ANKRD33B: variants seen among roughly 807,000 people sequenced by gnomAD.
The protein encoded by ANKRD33B is ankyrin repeat domain-containing protein 33B.
ANKRD33B carries 6 observed loss-of-function variants against 21.5 expected under a neutral mutation model. The observed-to-expected ratio is 0.28, with a 90% CI of 0.15 to 0.55. The LOEUF (loss-of-function observed/expected upper bound fraction) is 0.55. ANKRD33B is among the 20% of genes least tolerant of loss of function. The pLI, the probability that ANKRD33B is intolerant of heterozygous loss-of-function variation, is 0.94. For synonymous variants in ANKRD33B, 347 were observed against 342.4 expected (o/e 1.01, Z -0.15); for missense variants, 698 against 747.2 (o/e 0.93, Z 0.77).
intron 1 of ANKRD33B, among the ~76,000 whole-genome samples, chr5:10,593,324 A>C (rs1735738803): frequency 6.6e-6 from 1 of 152,108 alleles, no homozygotes; most frequent in African/African-American, 2.4e-5. Flanking sequence ...TTAGCTATTA[A>C]CTCTTTTAAG....
At chr5:10,617,802 C>T (rs961255842) in intron 1 of ANKRD33B, among the ~76,000 whole-genome samples, 4 of 152,196 alleles carry the variant, frequency 2.6e-5, no homozygotes, top group Non-Finnish European at 5.9e-5. Flanking sequence ...CCTGGATGCA[C>T]CAGGCACAGT....
At chr5:10,614,003 GT>G (rs1579735150) in intron 1 of ANKRD33B, among the ~76,000 whole-genome samples, 1 of 150,874 alleles carries the variant, frequency 6.6e-6, no homozygotes. Flanking sequence ...GTGTGTGTGT[GT>G]GTGTGTGTGT....
Position 10,608,405 on chromosome 5 carries a change from A to G in ANKRD33B, c.367-9928A>G, listed in dbSNP as rs75105332. 8.0e-3 allele frequency among the ~76,000 whole-genome samples: 1,210 copies of G among 151,766 alleles called. 18 individuals carry two copies. The highest frequency in any genetic ancestry group is 0.027 in the African/African-American group (1,134 of 41,378). ...GTGGTAGTTCTGAAGGGGAAGAGCAAGGAAGGTTTCTTCCCTGCAAAACAC... is the reference window on the plus strand; with the variant it reads ...GTGGTAGTTCTGAAGGGGAAGAGCAGGGAAGGTTTCTTCCCTGCAAAACAC... On this transcript the variant is annotated intron_variant, in intron 1 of 3. Transcript: ENST00000296657.
At chr5:10,633,610 G>C (rs1162161097) in intron 2 of ANKRD33B, among the ~76,000 whole-genome samples, 1 of 152,216 alleles carries the variant, frequency 6.6e-6, no homozygotes, top group East Asian at 1.9e-4. Flanking sequence ...GATTTCCTCA[G>C]CGTTTCCCGG....
At chr5:10,589,026 A>T (rs546911691) in intron 1 of ANKRD33B, among the ~76,000 whole-genome samples, 3 of 152,022 alleles carry the variant, frequency 2.0e-5, no homozygotes, top group African/African-American at 4.8e-5. Context: ...TCCTGTTTTC[A>T]TGTTCTGGGT....
At chr5:10,636,144 C>T (rs1736856821) in intron 2 of ANKRD33B, among the ~76,000 whole-genome samples, 1 of 150,484 alleles carries the variant, frequency 6.6e-6, no homozygotes, top group Non-Finnish European at 1.5e-5. Context: ...CAGGGCCCGG[C>T]TTCTCCATGA....
intron 2 of ANKRD33B, chr5:10,625,302 G>A (rs1375028516): frequency 6.3e-6 from 1 of 158,156 alleles, no homozygotes; most frequent in Non-Finnish European, 1.4e-5. Context: ...TATTATCAGG[G>A]AGGAAGAAAA....
At chr5:10,608,639 T>C (rs1378165819) in intron 1 of ANKRD33B, among the ~76,000 whole-genome samples, 6 of 148,638 alleles carry the variant, frequency 4.0e-5, no homozygotes, top group Non-Finnish European at 5.9e-5. Context: ...ATAAAAACCA[T>C]GGTGGATTCA....
At chr5:10,596,330 CCT>C (rs1735816451) in intron 1 of ANKRD33B, among the ~76,000 whole-genome samples, 1 of 152,184 alleles carries the variant, frequency 6.6e-6, no homozygotes, top group African/African-American at 2.4e-5. Context: ...CCTCACACCC[CCT>C]GATAAGCCCC....
chr5:10,608,126 A>G (rs1033654352), intron 1 of ANKRD33B, among the ~76,000 whole-genome samples: 1 of 151,016 alleles, frequency 6.6e-6, no homozygotes, highest in African/African-American at 2.4e-5. Context: ...AGGCGGGTGG[A>G]TCACTTGAGG....
At chr5:10,639,020 A>G (rs1346547869) in intron 3 of ANKRD33B, among the ~76,000 whole-genome samples, 14 of 76,902 alleles carry the variant, frequency 1.8e-4, no homozygotes, top group South Asian at 5.3e-4. Context: ...GGTGACGCGG[A>G]GTTGCGCGGC....
At chr5:10,607,397 AC>A (rs1204113433) in intron 1 of ANKRD33B, among the ~76,000 whole-genome samples, 2 of 152,340 alleles carry the variant, frequency 1.3e-5, no homozygotes, top group African/African-American at 2.4e-5. Flanking sequence ...CACATCGTCC[AC>A]CGTCTCTCGA....
chr5:10,568,770 A>C (rs1039545395), intron 1 of ANKRD33B, among the ~76,000 whole-genome samples: 1 of 152,152 alleles, frequency 6.6e-6, no homozygotes, highest in East Asian at 1.9e-4. Flanking sequence ...CCTGACCTCA[A>C]GTGATCCTCT....
At chr5:10,628,895 T>A (rs1736642018) in intron 2 of ANKRD33B, among the ~76,000 whole-genome samples, 1 of 151,542 alleles carries the variant, frequency 6.6e-6, no homozygotes, top group African/African-American at 2.4e-5. Context: ...GGTCACCAAG[T>A]AAAAAGAGGA....
intron 2 of ANKRD33B, among the ~76,000 whole-genome samples, chr5:10,630,669 A>G (rs1055607713): frequency 6.6e-6 from 1 of 152,130 alleles, no homozygotes; most frequent in African/African-American, 2.4e-5. Flanking sequence ...GGAATTTTCC[A>G]TTTTTCTGCT....
intron 1 of ANKRD33B, among the ~76,000 whole-genome samples, chr5:10,602,155 C>T (rs754443700): frequency 6.6e-6 from 1 of 152,256 alleles, no homozygotes; most frequent in South Asian, 2.1e-4. Flanking sequence ...TGAGCAACCT[C>T]GGTGCCTGGG....
intron 3 of ANKRD33B, among the ~76,000 whole-genome samples, chr5:10,648,399 A>C (rs1460676900): frequency 6.6e-6 from 1 of 152,268 alleles, no homozygotes; most frequent in Non-Finnish European, 1.5e-5. Context: ...TCAAGTATGC[A>C]AGGCAGCTTT....
At chr5:10,626,544 C>CT (rs1736551648) in intron 2 of ANKRD33B, among the ~76,000 whole-genome samples, 1 of 152,230 alleles carries the variant, frequency 6.6e-6, no homozygotes, top group South Asian at 2.1e-4. Context: ...ACACTGCCTT[C>CT]TCTTGCAACA....
At chr5:10,622,325 T>C (rs984702974) in intron 2 of ANKRD33B, among the ~76,000 whole-genome samples, 7 of 152,210 alleles carry the variant, frequency 4.6e-5, no homozygotes, top group African/African-American at 1.7e-4. Context: ...TTTCCAGCTA[T>C]GAACAGTTTT....
Sources: allele counts gnomAD v4.1 joint callset (sites outside exome capture counted in the v4.1 genomes callset), GRCh38; gene constraint gnomAD v4.1.1; transcripts MANE v1.5; gene names NCBI Gene and HGNC (gene_info 2026-07-23, HGNC 2026-07-21).